The following ARHGAP24 variants were observed in gnomAD, a reference collection of about 807,000 sequenced individuals.
The protein encoded by ARHGAP24 is rho GTPase-activating protein 24.
Under a neutral mutation model 76.4 loss-of-function variants are expected in ARHGAP24, and 50 were observed. The observed-to-expected ratio is 0.65, with a 90% CI of 0.52 to 0.83. The LOEUF (loss-of-function observed/expected upper bound fraction) is 0.83, where lower values mean the gene tolerates loss of function less well. Ranked by LOEUF, ARHGAP24 falls within the 40% of genes least tolerant of loss-of-function variation. The pLI is 0.00. For missense variants in ARHGAP24, 930 were observed against 914.2 expected (o/e 1.02, Z -0.22); for synonymous variants, 345 against 323.3 (o/e 1.07, Z -0.72).
intron 9 of ARHGAP24, among the ~76,000 whole-genome samples, chr4:85,996,369 A>G (rs1333000777): frequency 1.3e-5 from 2 of 152,230 alleles, no homozygotes; most frequent in African/African-American, 2.4e-5. Flanking sequence ...ATTATGCTAA[A>G]ACCTAATTAT....
chr4:85,678,778 A>G (rs565672199), intron 2 of ARHGAP24, among the ~76,000 whole-genome samples: 2 of 152,176 alleles, frequency 1.3e-5, no homozygotes, highest in Non-Finnish European at 2.9e-5. Flanking sequence ...AGTCTTAGTC[A>G]TTTTCAGATT....
chr4:85,686,717 A>G (rs913623964), intron 2 of ARHGAP24: 1 of 152,192 alleles, frequency 6.6e-6, no homozygotes, highest in African/African-American at 2.4e-5. Flanking sequence ...GTGAAATACA[A>G]ATACACTTGT....
At chr4:85,637,120 T>TAGA (rs1363689820) in intron 2 of ARHGAP24, among the ~76,000 whole-genome samples, 1 of 152,140 alleles carries the variant, frequency 6.6e-6, no homozygotes, top group Non-Finnish European at 1.5e-5. Context: ...CAGTGTTACC[T>TAGA]AGAAGTGCAT....
At chr4:85,637,291 G>T (rs1270346323) in intron 2 of ARHGAP24, among the ~76,000 whole-genome samples, 1 of 152,018 alleles carries the variant, frequency 6.6e-6, no homozygotes, top group Non-Finnish European at 1.5e-5. Context: ...ATGAGCCAAG[G>T]TTGTTAATAG....
At chr4:85,897,832 A>G (rs554386904) in intron 3 of ARHGAP24, among the ~76,000 whole-genome samples, 3 of 152,004 alleles carry the variant, frequency 2.0e-5, no homozygotes, top group Admixed American at 2.0e-4. Context: ...GCAGTATCAG[A>G]TAAGTGAGGG....
intron 3 of ARHGAP24, among the ~76,000 whole-genome samples, chr4:85,732,380 A>C (rs1209400721): frequency 6.6e-6 from 1 of 152,228 alleles, no homozygotes; most frequent in Non-Finnish European, 1.5e-5. Context: ...CTGATAATTA[A>C]GAGTGAGAGA....
At chr4:85,985,336 A>G (rs998998170) in intron 8 of ARHGAP24, among the ~76,000 whole-genome samples, 1 of 152,152 alleles carries the variant, frequency 6.6e-6, no homozygotes, top group African/African-American at 2.4e-5. Flanking sequence ...TTGCAGGGAC[A>G]TGGGTGGAGC....
chr4:85,959,679 G>A (rs1738132061), intron 5 of ARHGAP24, among the ~76,000 whole-genome samples: 1 of 152,162 alleles, frequency 6.6e-6, no homozygotes, highest in Admixed American at 6.5e-5. Flanking sequence ...ACAAGCTTTT[G>A]TGTAGAGATA....
chr4:85,992,441 G>T (rs1037560889), intron 8 of ARHGAP24, among the ~76,000 whole-genome samples: 2 of 152,064 alleles, frequency 1.3e-5, no homozygotes, highest in African/African-American at 4.8e-5. Context: ...TCATCATGGA[G>T]ACCTTAAGGA....
At chr4:85,664,867 G>T (rs1201642031) in intron 2 of ARHGAP24, among the ~76,000 whole-genome samples, 8 of 152,064 alleles carry the variant, frequency 5.3e-5, no homozygotes, top group Non-Finnish European at 7.4e-5. Flanking sequence ...ATTGCACTGT[G>T]GTCTGAGAGA....
chr4:85,612,371 C>CAAGTGCACTCCACTCGGCGTG, intron 2 of ARHGAP24, among the ~76,000 whole-genome samples: 1 of 90,320 alleles, frequency 1.1e-5, no homozygotes, highest in Non-Finnish European at 2.7e-5. Flanking sequence ...GGCAGTGAGC[C>CAAGTGCACTCCACTCGGCGTG]GAGTGCACTC....
chr4:85,631,525 A>G (rs1229717325), intron 2 of ARHGAP24, among the ~76,000 whole-genome samples: 1 of 152,066 alleles, frequency 6.6e-6, no homozygotes, highest in Non-Finnish European at 1.5e-5. Flanking sequence ...TCTTTATTTC[A>G]ATGTCTATTT....
chr4:85,995,707 C>G, intron 9 of ARHGAP24, 50 bp downstream of exon 9: 6 of 1,549,448 alleles, frequency 3.9e-6, no homozygotes, highest in Non-Finnish European at 5.3e-6. Flanking sequence ...CAGTAGCCTC[C>G]TACTGTGGGA....
At chr4:85,648,164 C>T (rs57480554) in intron 2 of ARHGAP24, among the ~76,000 whole-genome samples, 3,523 of 152,154 alleles carry the variant, frequency 0.023, 131 homozygotes, top group African/African-American at 0.081. Flanking sequence ...ACTCAATTAT[C>T]TAAATGTGGA....
chr4:85,594,765 C>T (rs1024509393), intron 2 of ARHGAP24, among the ~76,000 whole-genome samples: 4 of 152,042 alleles, frequency 2.6e-5, no homozygotes, highest in Admixed American at 2.6e-4. Flanking sequence ...CATTATTTTG[C>T]TAGTTCATTC....
At chr4:85,580,526 A>G (rs112149820) in intron 2 of ARHGAP24, among the ~76,000 whole-genome samples, 2,140 of 152,258 alleles carry the variant, frequency 0.014, 58 homozygotes, top group African/African-American at 0.049. Context: ...CTAGAAATCC[A>G]TACATGGTTG....
At chr4:85,838,826 A>G in intron 3 of ARHGAP24, among the ~76,000 whole-genome samples, 1 of 152,084 alleles carries the variant, frequency 6.6e-6, no homozygotes, top group East Asian at 1.9e-4. Flanking sequence ...AACTTTGCCA[A>G]ACACCTGCTC....
At chr4:85,545,398 C>T (rs1725880208) in intron 1 of ARHGAP24, among the ~76,000 whole-genome samples, 1 of 152,176 alleles carries the variant, frequency 6.6e-6, no homozygotes, top group South Asian at 2.1e-4. Flanking sequence ...CCACACCTGG[C>T]CCAGTTTCCT....
At chr4:85,761,040 G>A (rs1270465686) in intron 3 of ARHGAP24, among the ~76,000 whole-genome samples, 1 of 152,102 alleles carries the variant, frequency 6.6e-6, no homozygotes, top group East Asian at 1.9e-4. Flanking sequence ...TGCAGCCATT[G>A]TACTGTCGAC....
Sources: gnomAD v4.1 joint callset for allele counts (sites outside exome capture counted in the v4.1 genomes callset) on GRCh38, gnomAD v4.1.1 for gene constraint, MANE v1.5 for transcripts, NCBI Gene and HGNC (gene_info 2026-07-23, HGNC 2026-07-21) for gene names.